The following LRRFIP1 variants were observed in gnomAD, a reference collection of about 807,000 sequenced individuals.
LRRFIP1 encodes the protein leucine-rich repeat flightless-interacting protein 1.
A neutral mutation model predicts 104.4 loss-of-function variants in LRRFIP1; 62 were observed. The observed-to-expected ratio is 0.59, with a 90% CI of 0.48 to 0.73. LRRFIP1 has a LOEUF of 0.73. Among genes scored for constraint, LRRFIP1 ranks in the 30% least tolerant of loss-of-function variants. LRRFIP1 has a pLI of 0.00. For synonymous variants in LRRFIP1, 300 were observed against 299.0 expected, an observed-to-expected ratio of 1.00 and a Z score of -0.03; for missense variants, 796 against 824.5, an observed-to-expected ratio of 0.97 and a Z score of 0.42.
chr2:237,648,737 G>A (rs1189413797), intron 1 of LRRFIP1, among the ~76,000 whole-genome samples: 9 of 137,824 alleles, frequency 6.5e-5, no homozygotes, highest in Non-Finnish European at 1.6e-5. Context: ...GAGCAGCCCA[G>A]ACCCAGGAAG....
chr2:237,715,783 A>C (rs9283459), intron 3 of LRRFIP1, among the ~76,000 whole-genome samples: 4,845 of 152,270 alleles, frequency 0.032, 253 homozygotes, highest in African/African-American at 0.11. Context: ...TGGCTTCCGG[A>C]TCATGGTAGT....
chr2:237,685,681 C>CA (rs1005904467), intron 1 of LRRFIP1, among the ~76,000 whole-genome samples: 1 of 152,194 alleles, frequency 6.6e-6, no homozygotes, highest in African/African-American at 2.4e-5. Flanking sequence ...CCGCTCCCCA[C>CA]ACCCAGCCTT....
chr2:237,748,156 A>G (rs2058120341), intron 11 of LRRFIP1, among the ~76,000 whole-genome samples: 1 of 152,234 alleles, frequency 6.6e-6, no homozygotes, highest in East Asian at 1.9e-4. Flanking sequence ...AGGGACGTCC[A>G]AATGAGGACA....
intron 7 of LRRFIP1, among the ~76,000 whole-genome samples, chr2:237,723,788 A>AG (rs966912359): frequency 2.6e-5 from 4 of 152,222 alleles, no homozygotes; most frequent in Admixed American, 2.6e-4. Context: ...ATCCTGCCGG[A>AG]GGGGAGGAGC....
Position 237,781,492 on chromosome 2 carries a change from G to T in LRRFIP1, c.*1960G>T, listed in dbSNP as rs928387759. Among the ~76,000 whole-genome samples the T allele has an allele frequency of 6.6e-6, 1 of 152,146 alleles. No homozygotes were observed. Among genetic ancestry groups the T allele is most frequent in the African/African-American group, 2.4e-5 (1 of 41,432 alleles). ...GAAGATGGCGTTTTCCCTATCAGTGGCTCTGAGGAAGTCAAGCCTTCAGTC... is the reference window on the plus strand; with the variant it reads ...GAAGATGGCGTTTTCCCTATCAGTGTCTCTGAGGAAGTCAAGCCTTCAGTC... On this transcript the variant is annotated 3_prime_UTR_variant, in exon 24 of 24. Coordinates refer to ENST00000308482, the MANE Select transcript of LRRFIP1 (RefSeq NM_001137550.2).
rs1202873570 is a variant in LRRFIP1 at position 237,772,127 on chromosome 2, A to G, written c.1556A>G (p.Lys519Arg). 3.7e-6 allele frequency: 6 copies of G among 1,614,036 alleles called. No homozygotes were observed. Among genetic ancestry groups the G allele is most frequent in the East Asian group, 2.2e-5 (1 of 44,886 alleles). The part of the protein sequence containing the change: ...GQLEERQKIG[K>R]LDNLRSEDDV... ...CTGGAGGAGAGACAGAAGATTGGCAAACTAGACAATCTTCGATCTGAAGAT... is the reference window on the plus strand; with the variant it reads ...CTGGAGGAGAGACAGAAGATTGGCAGACTAGACAATCTTCGATCTGAAGAT... The change falls in exon 21 of 24, where the codon AAA becomes AGA. Residue 519 changes from lysine (K) to arginine (R), a missense_variant. By Grantham distance (26) the Lys-to-Arg change is conservative. Coordinates refer to ENST00000308482, the MANE Select transcript of LRRFIP1 (RefSeq NM_001137550.2).
chr2:237,686,583 C>G (rs1429028283), intron 1 of LRRFIP1, among the ~76,000 whole-genome samples: 1 of 152,178 alleles, frequency 6.6e-6, no homozygotes, highest in Non-Finnish European at 1.5e-5. Context: ...CATTCATAAC[C>G]TGGGGGTGGG....
chr2:237,734,711 G>A (rs1292070205), intron 9 of LRRFIP1, among the ~76,000 whole-genome samples: 1 of 152,216 alleles, frequency 6.6e-6, no homozygotes, highest in Non-Finnish European at 1.5e-5. Flanking sequence ...GGCAAAGTTT[G>A]ACATCACCAT....
intron 1 of LRRFIP1, among the ~76,000 whole-genome samples, chr2:237,674,072 G>A (rs1049287197): frequency 1.3e-5 from 2 of 152,230 alleles, no homozygotes; most frequent in Non-Finnish European, 2.9e-5. Flanking sequence ...TGCCCCCGCG[G>A]GAAGGAAATG....
chr2:237,671,434 G>C (rs2149545608), intron 1 of LRRFIP1, among the ~76,000 whole-genome samples: 1 of 152,330 alleles, frequency 6.6e-6, no homozygotes, highest in South Asian at 2.1e-4. Flanking sequence ...TCTCTTACTG[G>C]CTTATAGGTT....
intron 11 of LRRFIP1, among the ~76,000 whole-genome samples, chr2:237,740,180 A>G (rs1362471111): frequency 1.3e-5 from 2 of 151,792 alleles, no homozygotes; most frequent in Non-Finnish European, 2.9e-5. Context: ...CTGAGGCAAG[A>G]GGATTTCTTG....
chr2:237,763,898 C>T, intron 19 of LRRFIP1: 3 of 1,614,228 alleles, frequency 1.9e-6, no homozygotes, highest in South Asian at 1.1e-5. Flanking sequence ...CTGCACCCTG[C>T]CCGAACATGA....
In LRRFIP1 at chr2:237,711,902, G is replaced by A. The variant is rs1236389015; in HGVS notation, c.184-2357G>A. On this transcript the variant is annotated intron_variant, in intron 2 of 23. Coordinates refer to ENST00000308482, the MANE Select transcript of LRRFIP1 (RefSeq NM_001137550.2). This position sits in a 1 kb window ranked among gnomAD's most constrained non-coding sequence, Gnocchi z 4.4. ...GGGCCAGCCCAGTCAGCCCAGCGCA[G>A]CACGCGTTCCTAACGGCGGCAACGG... 3.3e-5 allele frequency among the ~76,000 whole-genome samples: 5 copies of A among 152,358 alleles called. 1 individual carries two copies. In the East Asian group the frequency reaches 5.8e-4, roughly 18 times the overall value.
At chr2:237,656,933 A>G (rs2086912663) in intron 1 of LRRFIP1, among the ~76,000 whole-genome samples, 1 of 152,270 alleles carries the variant, frequency 6.6e-6, no homozygotes, top group South Asian at 2.1e-4. Context: ...GTGGAATTTT[A>G]CAATGTTACG....
In LRRFIP1 at chr2:237,704,647, ATTG is replaced by A. The variant is rs1181867620; in HGVS notation, c.97-3896_97-3894del. ...TGTAAGCTAAGTTGCCACTTCCGGTATTGCCAGCACTTTGTTTTCCACATATGA... is the reference window on the plus strand; with the variant it reads ...TGTAAGCTAAGTTGCCACTTCCGGTACCAGCACTTTGTTTTCCACATATGA... On this transcript the variant is annotated intron_variant, in intron 1 of 23. Transcript: ENST00000308482. 2.8e-4 allele frequency among the ~76,000 whole-genome samples: 42 copies of A among 152,324 alleles called. 2 individuals are homozygous for A. Among genetic ancestry groups the A allele is most frequent in the African/African-American group, 7.7e-4 (32 of 41,572 alleles).
chr2:237,743,512 C>T (rs1188810759), intron 11 of LRRFIP1, among the ~76,000 whole-genome samples: 1 of 152,164 alleles, frequency 6.6e-6, no homozygotes, highest in Non-Finnish European at 1.5e-5. Flanking sequence ...TACTGTTCAC[C>T]TCATTCTCAT....
chr2:237,646,223 A>T (rs139354078), intron 1 of LRRFIP1, among the ~76,000 whole-genome samples: 19,705 of 151,508 alleles, frequency 0.13, 1,937 homozygotes, highest in Non-Finnish European at 0.2. Context: ...TTCATTTTTA[A>T]AAAAAAATAT....
rs1187913289 is a variant in LRRFIP1 at position 237,690,484 on chromosome 2, C to G, written c.97-18060C>G. ...AGGCGCGGTGGCTCACACCTGTAATCCCAGCACTTTCGGAGGCCAAGGCAG... is the reference window on the plus strand; with the variant it reads ...AGGCGCGGTGGCTCACACCTGTAATGCCAGCACTTTCGGAGGCCAAGGCAG... On this transcript the variant is annotated intron_variant, in intron 1 of 23. Coordinates refer to ENST00000308482, the MANE Select transcript of LRRFIP1 (RefSeq NM_001137550.2). Among the ~76,000 whole-genome samples the G allele has an allele frequency of 3.3e-5, 5 of 152,204 alleles. No individual in the cohort carries two copies. In the East Asian group the frequency reaches 7.7e-4, roughly 24 times the overall value.
At chr2:237,670,405 T>C (rs1193544302) in intron 1 of LRRFIP1, among the ~76,000 whole-genome samples, 3 of 152,148 alleles carry the variant, frequency 2.0e-5, no homozygotes, top group African/African-American at 7.2e-5. Flanking sequence ...GGAAAATGTT[T>C]ATTTGTTCTG....
Sources: allele counts gnomAD v4.1 joint callset (sites outside exome capture counted in the v4.1 genomes callset), GRCh38; gene constraint gnomAD v4.1.1; non-coding constraint Gnocchi (gnomAD v3.1); transcripts MANE v1.5; gene names NCBI Gene and HGNC (gene_info 2026-07-23, HGNC 2026-07-21).